The following NEDD4L variants were observed in gnomAD, a reference collection of about 807,000 sequenced individuals.
The protein encoded by NEDD4L is NEDD4 like E3 ubiquitin protein ligase, also known as E3 ubiquitin-protein ligase NEDD4-like.
In NEDD4L, 54 loss-of-function variants were observed where a neutral mutation model predicts 148.9. The observed-to-expected ratio is 0.36, with a 90% CI of 0.29 to 0.45. The LOEUF is 0.45. Among genes scored for constraint, NEDD4L ranks in the 20% least tolerant of loss-of-function variants. The pLI, the probability that NEDD4L is intolerant of heterozygous loss-of-function variation, is 1.00. For synonymous variants in NEDD4L, 433 were observed against 440.7 expected (o/e 0.98, Z 0.22); for missense variants, 856 against 1,233.8 (o/e 0.69, Z 4.59).
chr18:58,062,781 A>G (rs7226681), intron 1 of NEDD4L, among the ~76,000 whole-genome samples: 122,892 of 152,004 alleles, frequency 0.81, 50,240 homozygotes, highest in East Asian at 1. Context: ...GAGGTCAGGA[A>G]ATTGAGACCA....
chr18:58,369,161 G>A (rs2046494331), intron 22 of NEDD4L, among the ~76,000 whole-genome samples: 1 of 152,138 alleles, frequency 6.6e-6, no homozygotes, highest in Non-Finnish European at 1.5e-5. Context: ...GGAGGCTCAG[G>A]GAATCTTTCC....
chr18:58,310,408 T>G (rs2057549733), intron 5 of NEDD4L, among the ~76,000 whole-genome samples: 2 of 152,222 alleles, frequency 1.3e-5, no homozygotes, highest in African/African-American at 2.4e-5. Context: ...TTGTTTGGGT[T>G]TTGTGTTCTG....
intron 1 of NEDD4L, among the ~76,000 whole-genome samples, chr18:58,062,849 C>T (rs1033979743): frequency 6.6e-6 from 1 of 151,858 alleles, no homozygotes; most frequent in Non-Finnish European, 1.5e-5. Flanking sequence ...TTAGCCGGGC[C>T]TTGTGACAGG....
chr18:58,363,699 A>C (rs942250923), intron 19 of NEDD4L, among the ~76,000 whole-genome samples: 4 of 152,256 alleles, frequency 2.6e-5, no homozygotes, highest in Non-Finnish European at 4.4e-5. Context: ...ATCCTTGCCC[A>C]AGACCACTAA....
At chr18:58,141,238 T>TA (rs2033466496) in intron 1 of NEDD4L, among the ~76,000 whole-genome samples, 1 of 152,116 alleles carries the variant, frequency 6.6e-6, no homozygotes, top group Non-Finnish European at 1.5e-5. Flanking sequence ...ATGTGGTAGA[T>TA]AAAGCACCTT....
chr18:58,248,868 A>G (rs759292621), intron 3 of NEDD4L, 31 bp from the exon 4 acceptor site: 8 of 1,260,738 alleles, frequency 6.3e-6, no homozygotes, highest in Non-Finnish European at 9.1e-6. Flanking sequence ...TTGAAAGACT[A>G]AAAGATACTA....
chr18:58,183,236 C>G (rs2039050690), intron 2 of NEDD4L, among the ~76,000 whole-genome samples: 1 of 152,216 alleles, frequency 6.6e-6, no homozygotes, highest in South Asian at 2.1e-4. Flanking sequence ...GCTGTCCAGC[C>G]CAGAGCCACT....
At chr18:58,372,392 T>C (rs2047001676) in intron 23 of NEDD4L, 1 of 152,134 alleles carries the variant, frequency 6.6e-6, no homozygotes. Context: ...ATTACAGGAT[T>C]ATAGGCATGA....
At chr18:58,234,090 TTTC>T (rs1568442754) in intron 2 of NEDD4L, among the ~76,000 whole-genome samples, 88 of 94,116 alleles carry the variant, frequency 9.4e-4, no homozygotes, top group African/African-American at 4.1e-3. Context: ...TCTTTCTTTC[TTTC>T]TTTCTTTCTT....
At chr18:58,226,545 A>C (rs1237950863) in intron 2 of NEDD4L, among the ~76,000 whole-genome samples, 1 of 152,178 alleles carries the variant, frequency 6.6e-6, no homozygotes, top group African/African-American at 2.4e-5. Context: ...CAGTCATGAG[A>C]CCATTCTATT....
At chr18:58,291,147 G>A (rs972042359) in intron 5 of NEDD4L, among the ~76,000 whole-genome samples, 29 of 148,564 alleles carry the variant, frequency 2.0e-4, no homozygotes, top group African/African-American at 6.2e-4. Context: ...GAACCAGGCC[G>A]ACCAGCCCAC....
intron 6 of NEDD4L, 32 bp from the exon 7 acceptor site, chr18:58,322,393 T>G: frequency 1.4e-6 from 2 of 1,457,022 alleles, no homozygotes; most frequent in Non-Finnish European, 9.6e-7. Context: ...ATTAGGAATA[T>G]TAAAATTTAA....
chr18:58,248,690 AG>A (rs2148462936), intron 3 of NEDD4L, among the ~76,000 whole-genome samples: 1 of 152,246 alleles, frequency 6.6e-6, no homozygotes, highest in Non-Finnish European at 1.5e-5. Context: ...AAGCAGTTTA[AG>A]GTTTCATACC....
intron 5 of NEDD4L, among the ~76,000 whole-genome samples, chr18:58,284,575 T>TGCTGGC (rs59214871): frequency 2.6e-5 from 4 of 152,002 alleles, no homozygotes; most frequent in African/African-American, 9.7e-5. Flanking sequence ...CGAATAGAAG[T>TGCTGGC]AACTTCTGGT....
intron 5 of NEDD4L, among the ~76,000 whole-genome samples, chr18:58,254,147 G>A (rs2048232413): frequency 6.6e-6 from 1 of 152,116 alleles, no homozygotes; most frequent in Non-Finnish European, 1.5e-5. Context: ...AACAGATTTG[G>A]ATGTATGTAA....
chr18:58,084,212 CAG>C (rs927224653), intron 1 of NEDD4L, among the ~76,000 whole-genome samples: 5 of 152,142 alleles, frequency 3.3e-5, no homozygotes, highest in African/African-American at 1.2e-4. Flanking sequence ...GGCAAATCCA[CAG>C]AGACGGAAAG....
intron 19 of NEDD4L, among the ~76,000 whole-genome samples, chr18:58,361,564 C>G (rs970704171): frequency 6.6e-6 from 1 of 152,172 alleles, no homozygotes; most frequent in Non-Finnish European, 1.5e-5. Flanking sequence ...GCTGACAGTC[C>G]TTGCAAGGGT....
At chr18:58,250,216 CT>C (rs2047735029) in intron 4 of NEDD4L, among the ~76,000 whole-genome samples, 1 of 150,960 alleles carries the variant, frequency 6.6e-6, no homozygotes, top group Non-Finnish European at 1.5e-5. Context: ...GTGGCACAAT[CT>C]TAGCTCACTG....
chr18:58,213,148 CAG>C (rs372015211), intron 2 of NEDD4L, among the ~76,000 whole-genome samples: 67,172 of 151,798 alleles, frequency 0.44, 16,281 homozygotes, highest in African/African-American at 0.66. Context: ...GAATTATGGG[CAG>C]TTGGGAAATT....
Sources: gnomAD v4.1 joint callset for allele counts (sites outside exome capture counted in the v4.1 genomes callset) on GRCh38, gnomAD v4.1.1 for gene constraint, MANE v1.5 for transcripts, NCBI Gene and HGNC (gene_info 2026-07-23, HGNC 2026-07-21) for gene names.